Variants in ZBTB20 observed in about 807,000 individuals in gnomAD.
ZBTB20 encodes zinc finger and BTB domain-containing protein 20.
A neutral mutation model predicts 56.9 loss-of-function variants in ZBTB20; 9 were observed. The ratio of observed to expected loss-of-function variants is 0.16; its 90% confidence interval spans 0.10 to 0.28. The LOEUF (loss-of-function observed/expected upper bound fraction) is 0.28. ZBTB20 is among the 10% of genes least tolerant of loss of function. The probability of loss-of-function intolerance (pLI) is 1.00; values close to 1 mark genes in which losing one functional copy is unlikely to be tolerated. For synonymous variants in ZBTB20, 417 were observed against 420.7 expected (o/e 0.99, Z 0.11); for missense variants, 655 against 1,003.0 (o/e 0.65, Z 4.69).
chr3:114,619,147 C>T (rs1465905515), intron 6 of ZBTB20, among the ~76,000 whole-genome samples: 1 of 152,124 alleles, frequency 6.6e-6, no homozygotes, highest in Non-Finnish European at 1.5e-5. Flanking sequence ...CAGGTTTGTA[C>T]TAATGGAGAT....
intron 6 of ZBTB20, among the ~76,000 whole-genome samples, chr3:114,670,242 C>A (rs1424324683): frequency 1.3e-5 from 2 of 151,954 alleles, no homozygotes; most frequent in East Asian, 3.9e-4. Flanking sequence ...CTAAACTGTA[C>A]TGAGGGCTTC....
intron 3 of ZBTB20, among the ~76,000 whole-genome samples, chr3:114,943,538 T>C (rs1180852147): frequency 1.4e-5 from 2 of 145,444 alleles, no homozygotes; most frequent in Non-Finnish European, 3.0e-5. Flanking sequence ...GGGATTTATA[T>C]TAAAAACCCA....
intron 10 of ZBTB20, chr3:114,359,652 A>G (rs1267402719): frequency 6.6e-6 from 1 of 152,142 alleles, no homozygotes; most frequent in Non-Finnish European, 1.5e-5. Context: ...AAATCTGGGG[A>G]ACAAAAATAC....
chr3:115,117,441 T>G (rs992081567), intron 1 of ZBTB20, among the ~76,000 whole-genome samples: 4 of 152,164 alleles, frequency 2.6e-5, no homozygotes, highest in Non-Finnish European at 5.9e-5. Context: ...ATTATCTAAA[T>G]GTTGGTTTCT....
intron 6 of ZBTB20, among the ~76,000 whole-genome samples, chr3:114,682,363 T>G (rs150468735): frequency 1.1e-4 from 17 of 152,282 alleles, no homozygotes; most frequent in African/African-American, 4.1e-4. Context: ...TACAATGCCT[T>G]TTGTATGCTT....
rs1014135678 is a variant in ZBTB20 at position 115,146,676 on chromosome 3, C to A, written c.-703+543G>T. Reference sequence around the variant, plus strand: ...TGGGGCCAGGACACCTCCTGCCCCCCAGTTCTCTGAAGACGCTCCAGAGAC... The same window carrying A: ...TGGGGCCAGGACACCTCCTGCCCCCAAGTTCTCTGAAGACGCTCCAGAGAC... On this transcript the variant is annotated intron_variant, in intron 1 of 11. Transcript: ENST00000675478. 2.6e-5 allele frequency among the ~76,000 whole-genome samples: 4 copies of A among 152,158 alleles called. No homozygotes were observed. The East Asian group carries it at 5.8e-4, about 22-fold the overall frequency.
intron 4 of ZBTB20, among the ~76,000 whole-genome samples, chr3:114,899,834 T>A (rs1163413242): frequency 4.0e-5 from 6 of 150,140 alleles, no homozygotes; most frequent in African/African-American, 1.5e-4. Context: ...GTGCAAACAT[T>A]TTTTTTTCCC....
At chr3:114,952,514 C>A (rs941990238) in intron 3 of ZBTB20, among the ~76,000 whole-genome samples, 5 of 150,620 alleles carry the variant, frequency 3.3e-5, no homozygotes, top group Non-Finnish European at 7.4e-5. Context: ...AGGTATTTGA[C>A]AAAATAGTGG....
intron 7 of ZBTB20, among the ~76,000 whole-genome samples, chr3:114,451,074 A>G (rs886152710): frequency 6.6e-6 from 1 of 151,926 alleles, no homozygotes; most frequent in Non-Finnish European, 1.5e-5. Flanking sequence ...TAAATCTCTT[A>G]CTTAATTCTT....
chr3:114,369,485 C>T (rs931452377), intron 10 of ZBTB20, among the ~76,000 whole-genome samples: 1 of 152,120 alleles, frequency 6.6e-6, no homozygotes, highest in Non-Finnish European at 1.5e-5. Context: ...TCAGTAGTGA[C>T]AAAATAATCT....
chr3:114,481,212 AG>A (rs368990694), intron 7 of ZBTB20, among the ~76,000 whole-genome samples: 19 of 151,750 alleles, frequency 1.3e-4, no homozygotes, highest in African/African-American at 4.1e-4. Context: ...CCAAGTCTTT[AG>A]GTCAAGACTG....
Position 114,373,317 on chromosome 3 carries a change from A to T in ZBTB20, c.199+6900T>A, listed in dbSNP as rs1026861489. 3.9e-5 allele frequency among the ~76,000 whole-genome samples: 6 copies of T among 152,350 alleles called. No individual in the cohort carries two copies. The East Asian group carries it at 5.8e-4, about 15-fold the overall frequency. ...TTGCTTTATTATATATTTGGAAAGCAAATGTCTCTGAAATGGATATAGGAT... is the reference window on the plus strand; with the variant it reads ...TTGCTTTATTATATATTTGGAAAGCTAATGTCTCTGAAATGGATATAGGAT... On this transcript the variant is annotated intron_variant, in intron 10 of 11. Transcript: ENST00000675478.
intron 6 of ZBTB20, among the ~76,000 whole-genome samples, chr3:114,637,546 C>T (rs1367367713): frequency 1.3e-5 from 2 of 151,970 alleles, no homozygotes; most frequent in African/African-American, 4.8e-5. Flanking sequence ...TTAGTGTTTC[C>T]CTTTATTTTG....
rs1257298543 is a variant in ZBTB20 at position 114,316,605 on chromosome 3, A to G, written c.*22400T>C. On this transcript the variant is annotated 3_prime_UTR_variant, in exon 12 of 12. Coordinates refer to ENST00000675478, the MANE Select transcript of ZBTB20 (RefSeq NM_001348800.3). Reference sequence around the variant, plus strand: ...GAGATAAACTGAACTGGGTTCAGACACTAGCACATGCTTAACTTTCCCCTG... The same window carrying G: ...GAGATAAACTGAACTGGGTTCAGACGCTAGCACATGCTTAACTTTCCCCTG... The G allele has an allele frequency of 1.9e-6, 1 of 530,948 alleles. No homozygotes were observed. The highest frequency in any genetic ancestry group is 3.9e-6 in the Non-Finnish European group (1 of 258,380). 32.9% of individuals were successfully genotyped at this position (530,948 alleles called of 1,614,324 possible).
At chr3:115,038,507 A>T (rs2081018246) in intron 2 of ZBTB20, among the ~76,000 whole-genome samples, 1 of 152,166 alleles carries the variant, frequency 6.6e-6, no homozygotes, top group Admixed American at 6.5e-5. Context: ...TTATGCAGTA[A>T]ATACTCAAAA....
intron 6 of ZBTB20, among the ~76,000 whole-genome samples, chr3:114,674,865 C>T (rs1213046163): frequency 6.6e-6 from 1 of 151,684 alleles, no homozygotes; most frequent in Non-Finnish European, 1.5e-5. Context: ...TAAACACACA[C>T]ATACACACAC....
chr3:114,430,401 A>T (rs907233003), intron 7 of ZBTB20, among the ~76,000 whole-genome samples: 1 of 152,220 alleles, frequency 6.6e-6, no homozygotes, highest in Non-Finnish European at 1.5e-5. Context: ...TTTGGATCCA[A>T]GTTTGTCCAT....
In ZBTB20 at chr3:114,801,305, CTTTTTTTT is replaced by C. The variant is rs1271102943; in HGVS notation, c.-416-139_-416-132del. 8.3e-3 allele frequency: 457 copies of C among 55,334 alleles called. 6 individuals carry two copies. The highest frequency in any genetic ancestry group is 8.6e-3 in the Non-Finnish European group (236 of 27,378). 3.4% of individuals were successfully genotyped at this position (55,334 alleles called of 1,614,324 possible). On this transcript the variant is annotated intron_variant, in intron 4 of 11. Coordinates refer to ENST00000675478, the MANE Select transcript of ZBTB20 (RefSeq NM_001348800.3). ...AGTCAAGCGTGGCTTTTCTTTTTTT[CTTTTTTTT>C]TTTTTTTTCTGTTAAGGAAAAAAAA...
chr3:114,489,207 A>G (rs1300607656), intron 7 of ZBTB20, among the ~76,000 whole-genome samples: 1 of 152,102 alleles, frequency 6.6e-6, no homozygotes, highest in African/African-American at 2.4e-5. Flanking sequence ...GGGGAAAAAG[A>G]ACTTACCTAA....
Sources: gnomAD v4.1 joint callset for allele counts (sites outside exome capture counted in the v4.1 genomes callset) on GRCh38, gnomAD v4.1.1 for gene constraint, MANE v1.5 for transcripts, NCBI Gene and HGNC (gene_info 2026-07-23, HGNC 2026-07-21) for gene names.